Variants in CEP95 observed in about 807,000 individuals in gnomAD.
CEP95 encodes centrosomal protein 95.
Under a neutral mutation model 111.2 loss-of-function variants are expected in CEP95, and 98 were observed. The ratio of observed to expected loss-of-function variants is 0.88; its 90% CI spans 0.75 to 1.04. The LOEUF (loss-of-function observed/expected upper bound fraction) is 1.04. Ranked by LOEUF, CEP95 falls within the 50% of genes least tolerant of loss-of-function variation. The pLI is 0.00. For synonymous variants in CEP95, 323 were observed against 327.1 expected, an observed-to-expected ratio of 0.99 and a Z score of 0.14; for missense variants, 1,027 against 977.2, an observed-to-expected ratio of 1.05 and a Z score of -0.68.
At chr17:64,514,572 A>T in intron 4 of CEP95, 2 of 423,730 alleles carry the variant, frequency 4.7e-6, no homozygotes. Context: ...GATGTTGCTC[A>T]TAAATTACTT....
Position 64,522,783 on chromosome 17 carries a change from C to G in CEP95, c.797C>G (p.Pro266Arg). ...CGAGCAGCTATTCCTTTACATCCACCCTACCACCCTTCAGAGCCTCGAGCA... is the reference window on the plus strand; with the variant it reads ...CGAGCAGCTATTCCTTTACATCCACGCTACCACCCTTCAGAGCCTCGAGCA... ...PIRAAIPLHPPYHPSEPRAPC... is the reference protein window; with the variant it reads ...PIRAAIPLHPRYHPSEPRAPC... The change falls in exon 8 of 20, where the codon CCC becomes CGC. Residue 266 changes from proline to arginine, a missense_variant. Physicochemically the swap from Pro to Arg is moderately radical, Grantham distance 103. Transcript: ENST00000556440. 1.2e-6 allele frequency: 2 copies of G among 1,613,816 alleles called. No homozygotes were observed. The highest frequency in any genetic ancestry group is 1.3e-5 in the African/African-American group (1 of 75,006).
At chr17:64,525,161 G>A (rs571129949) in intron 8 of CEP95, among the ~76,000 whole-genome samples, 3 of 151,830 alleles carry the variant, frequency 2.0e-5, no homozygotes, top group African/African-American at 2.4e-5. Context: ...GCCAACATGC[G>A]AAACACCGTC....
intron 12 of CEP95, among the ~76,000 whole-genome samples, chr17:64,529,740 G>A (rs1271307296): frequency 1.3e-5 from 2 of 152,134 alleles, no homozygotes; most frequent in African/African-American, 2.4e-5. Flanking sequence ...TGGATTAAAC[G>A]TGAAAGGCCA....
rs542271078 is a variant in CEP95 at position 64,535,591 on chromosome 17, C to T, written c.2070+854C>T. On this transcript the variant is annotated intron_variant, in intron 17 of 19. Transcript: ENST00000556440. ...TCATTAGGGAAATACGACTCAGAAC[C>T]ACAGTTAGAGGACGAGTGTTGGCAA... 4 of 152,234 alleles carry T rather than the reference C, an allele frequency of 2.6e-5. No individual in the cohort carries two copies. The South Asian group carries it at 8.3e-4, about 32-fold the overall frequency. The allele number at this position is 152,234 out of a possible 1,614,324, so 9.4% of individuals were successfully genotyped here.
chr17:64,506,948 T>A (rs1309725321), upstream of CEP95: 1 of 852,140 alleles, frequency 1.2e-6, no homozygotes, highest in African/African-American at 1.7e-5. Context: ...CGAGAAGCTC[T>A]TTTAACGTCC....
rs1012259138 is a variant in CEP95, at chr17:64,537,113, G to A, written c.2289+1G>A. The A allele has an allele frequency of 1.2e-6, 2 of 1,611,228 alleles. No individual in the cohort carries two copies. The highest frequency in any genetic ancestry group is 1.7e-6 in the Non-Finnish European group (2 of 1,178,664). On this transcript the variant is annotated splice_donor_variant, in intron 19 of 19. Transcript: ENST00000556440. LOFTEE classifies it high-confidence loss of function. ...AGCCAGAGAGAAATCTCAGGCCCAG[G>A]TAATAATTAAGATAGAAGCCAAGTC...
chr17:64,537,884 C>A lies in CEP95; in HGVS notation c.*105C>A. On this transcript the variant is annotated 3_prime_UTR_variant, in exon 20 of 20. Transcript: ENST00000556440. ...AAGCCAGAAAAATAATTTTCAAATG[C>A]TTTACCTGTATTTTCATTCCAGTAC... The A allele has an allele frequency of 3.7e-6, 2 of 542,242 alleles. No individual in the cohort carries two copies. Among genetic ancestry groups the A allele is most frequent in the Non-Finnish European group, 5.8e-6 (2 of 346,370 alleles). 33.6% of individuals were successfully genotyped at this position (542,242 alleles called of 1,614,324 possible). A position where few individuals can be genotyped will look rare whatever the true frequency, so the allele number is the denominator to read the frequency against.
chr17:64,515,346 G>A (rs1454871779), intron 4 of CEP95, among the ~76,000 whole-genome samples: 1 of 152,132 alleles, frequency 6.6e-6, no homozygotes, highest in African/African-American at 2.4e-5. Context: ...GCTACCAGTA[G>A]GTATTTGTAT....
Position 64,536,622 on chromosome 17 carries a change from A to G in CEP95, c.2091A>G (p.Glu697=). Residue 697 remains glutamate (E), a synonymous_variant, in exon 18 of 20, where the codon GAA becomes GAG. Coordinates refer to ENST00000556440, the MANE Select transcript of CEP95 (RefSeq NM_138363.3). The part of the protein sequence containing the change: ...REEMIFKKLF[E]EGLNIQKQRL... Reference sequence around the variant, plus strand: ...GACAGATATTTAAGAAACTGTTTGAAGAAGGTTTAAACATTCAAAAGCAAA... The same window carrying G: ...GACAGATATTTAAGAAACTGTTTGAGGAAGGTTTAAACATTCAAAAGCAAA... The G allele has an allele frequency of 5.6e-6, 9 of 1,594,604 alleles. No individual in the cohort carries two copies. The highest frequency in any genetic ancestry group is 6.8e-6 in the Non-Finnish European group (8 of 1,173,798).
chr17:64,510,555 ATTTATT>A (rs1555674642), intron 3 of CEP95, among the ~76,000 whole-genome samples: 1 of 151,856 alleles, frequency 6.6e-6, no homozygotes, highest in Non-Finnish European at 1.5e-5. Context: ...ATGTTGTTTT[ATTTATT>A]TTTATTTTTT....
At chr17:64,534,461 C>T in intron 16 of CEP95, 124 bp from the exon 17 acceptor site, 1 of 835,086 alleles carries the variant, frequency 1.2e-6, no homozygotes, top group Non-Finnish European at 1.9e-6. Flanking sequence ...TCTGGGGCCA[C>T]TGGCCCCCCA....
At position 64,530,985 on chromosome 17, in the gene CEP95, A is replaced by G. The variant is rs2144522583; in HGVS notation, c.1506A>G (p.Gly502=). The change falls in exon 13 of 20, where the codon GGA becomes GGG. Residue 502 remains glycine, a synonymous_variant. Transcript: ENST00000556440. The part of the protein sequence containing the change: ...LRRHKVQENI[G]PLRIHEKEEE... ...GACATAAAGTTCAAGAGAATATTGGACCTCTAAGAATACATGAGAAGGAGG... is the reference window on the plus strand; with the variant it reads ...GACATAAAGTTCAAGAGAATATTGGGCCTCTAAGAATACATGAGAAGGAGG... 6.4e-7 allele frequency: 1 copy of G among 1,557,216 alleles called. No homozygotes were observed. The highest frequency in any genetic ancestry group is 1.4e-5 in the African/African-American group (1 of 73,704).
In CEP95 at chr17:64,531,976, G is replaced by T. The variant is rs781905767; in HGVS notation, c.1626G>T (p.Thr542=). 1 of 1,610,214 alleles carries T rather than the reference G, an allele frequency of 6.2e-7. No individual in the cohort carries two copies. Residue 542 remains threonine, a synonymous_variant, in exon 14 of 20, where the codon ACG becomes ACT. Transcript: ENST00000556440. ...PWKIYSRKTT[T]QSLRGGLPKP... Reference sequence around the variant, plus strand: ...AGATTTACTCTAGAAAAACCACAACGCAGAGTCTAAGAGGTGGCCTCCCAA... The same window carrying T: ...AGATTTACTCTAGAAAAACCACAACTCAGAGTCTAAGAGGTGGCCTCCCAA...
chr17:64,531,812 A>G, intron 13 of CEP95, 78 bp from the exon 14 acceptor site: 2 of 1,049,618 alleles, frequency 1.9e-6, no homozygotes, highest in Non-Finnish European at 2.6e-6. Flanking sequence ...TGTTTTTGTC[A>G]GTATGTAATA....
chr17:64,525,990 T>C lies in CEP95; in HGVS notation c.1023-81T>C. On this transcript the variant is annotated intron_variant, in intron 9 of 19. Transcript: ENST00000556440. ...TGTGAAGACCAGAATGAAGTATTTG[T>C]TAAAGTACGTATTACAGTTATTTTA... is the stretch of plus-strand genomic sequence containing the variant. 4 of 1,520,560 alleles carry C rather than the reference T, an allele frequency of 2.6e-6. No homozygotes were observed. The South Asian group carries it at 5.0e-5, about 19-fold the overall frequency. The allele number at this position is 1,520,560 out of a possible 1,614,324, so 94.2% of individuals were successfully genotyped here.
chr17:64,531,480 C>G lies in CEP95; in HGVS notation c.1540-410C>G, dbSNP rs190731004. ...ATGCTTATGCTAAAATATTCATGAA[C>G]AAAACAGGATATAAAGTACAGTATG... On this transcript the variant is annotated intron_variant, in intron 13 of 19. Transcript: ENST00000556440. Among the ~76,000 whole-genome samples, 32 of 152,096 alleles carry G rather than the reference C, an allele frequency of 2.1e-4. No individual in the cohort carries two copies. The East Asian group carries it at 2.9e-3, about 14-fold the overall frequency.
At chr17:64,512,239 A>G (rs1336316342) in intron 3 of CEP95, among the ~76,000 whole-genome samples, 2 of 152,226 alleles carry the variant, frequency 1.3e-5, no homozygotes, top group Non-Finnish European at 2.9e-5. Context: ...GTTGTTTGCA[A>G]TCGGAAGAAC....
chr17:64,536,505 A>T (rs77058166), intron 17 of CEP95, 97 bp from the exon 18 acceptor site: 68 of 427,130 alleles, frequency 1.6e-4, no homozygotes, highest in Middle Eastern at 1.7e-3. Context: ...ACTAGTATTT[A>T]AAAAAAAAAA....
At chr17:64,512,742 A>G (rs1381439172) in intron 3 of CEP95, among the ~76,000 whole-genome samples, 1 of 152,190 alleles carries the variant, frequency 6.6e-6, no homozygotes, top group South Asian at 2.1e-4. Flanking sequence ...TTTTTAATGC[A>G]GTTCTAGGTG....
Sources: gnomAD v4.1 joint callset for allele counts (sites outside exome capture counted in the v4.1 genomes callset) on GRCh38, gnomAD v4.1.1 for gene constraint, MANE v1.5 for transcripts, NCBI Gene and HGNC (gene_info 2026-07-23, HGNC 2026-07-21) for gene names.